Variants in CPNE4 observed in about 807,000 individuals in gnomAD.
CPNE4 encodes the protein copine-4.
Under a neutral mutation model 67.9 loss-of-function variants are expected in CPNE4, and 25 were observed. That is an observed-to-expected ratio of 0.37 (90% CI 0.27 to 0.51). The LOEUF (loss-of-function observed/expected upper bound fraction) is 0.51. Ranked by LOEUF, CPNE4 falls within the 20% of genes least tolerant of loss-of-function variation. The probability of loss-of-function intolerance (pLI) is 0.93; values close to 1 mark genes in which losing one functional copy is unlikely to be tolerated. For synonymous variants in CPNE4, 242 were observed against 244.9 expected (o/e 0.99, Z 0.11); for missense variants, 464 against 690.8 (o/e 0.67, Z 3.68).
chr3:132,008,235 G>T (rs2073658270), intron 1 of CPNE4, among the ~76,000 whole-genome samples: 1 of 152,132 alleles, frequency 6.6e-6, no homozygotes, highest in South Asian at 2.1e-4. Flanking sequence ...CGAGTGAAAT[G>T]GAGTAAATAT....
rs534373127 is a variant in CPNE4, at chr3:131,613,482, T to G, written c.682-25900A>C. 1.7e-4 allele frequency among the ~76,000 whole-genome samples: 26 copies of G among 152,312 alleles called. No homozygotes were observed. In the South Asian group the frequency reaches 5.4e-3, roughly 32 times the overall value. ...AATCTTGCCTTCTTTTCTTTCTGTC[T>G]TTACCTAGAAGTTTAGTTTTTATGA... is the stretch of plus-strand genomic sequence containing the variant. On this transcript the variant is annotated intron_variant, in intron 7 of 15. Transcript: ENST00000429747.
intron 2 of CPNE4, among the ~76,000 whole-genome samples, chr3:131,883,264 C>T (rs1476971203): frequency 1.3e-5 from 2 of 152,112 alleles, no homozygotes; most frequent in Non-Finnish European, 2.9e-5. Context: ...ACCTGCCCCT[C>T]CCCCAGTGTT....
intron 1 of CPNE4, among the ~76,000 whole-genome samples, chr3:132,004,148 T>C (rs1399643204): frequency 6.6e-6 from 1 of 151,910 alleles, no homozygotes; most frequent in Non-Finnish European, 1.5e-5. Flanking sequence ...AAAATGAGCA[T>C]CATTTAATTC....
In CPNE4 at chr3:131,579,715, A is replaced by G. The variant is rs112851966; in HGVS notation, c.867+1864T>C. Reference sequence around the variant, plus strand: ...TGGTGGGACAAACTGGAGATGTGGTAGAAATAGCAAGGGAACCGGAATTAT... The same window carrying G: ...TGGTGGGACAAACTGGAGATGTGGTGGAAATAGCAAGGGAACCGGAATTAT... On this transcript the variant is annotated intron_variant, in intron 9 of 15. Coordinates refer to ENST00000429747, the MANE Select transcript of CPNE4 (RefSeq NM_130808.3). Among the ~76,000 whole-genome samples, 373 of 152,302 alleles carry G rather than the reference A, an allele frequency of 2.4e-3. 1 individual carries two copies. The highest frequency in any genetic ancestry group is 4.5e-3 in the Non-Finnish European group (305 of 68,024).
intron 2 of CPNE4, among the ~76,000 whole-genome samples, chr3:131,765,453 C>G (rs1583163240): frequency 6.6e-6 from 1 of 152,086 alleles, no homozygotes; most frequent in African/African-American, 2.4e-5. Context: ...ACTGTGCCCA[C>G]CAGTCAAAAG....
chr3:131,743,962 CAAAAAAAAAAAAA>C (rs67791015), intron 2 of CPNE4, among the ~76,000 whole-genome samples: 3 of 59,206 alleles, frequency 5.1e-5, no homozygotes, highest in Non-Finnish European at 5.6e-5. Flanking sequence ...GACTCCGTCT[CAAAAAAAAAAAAA>C]AAAAAAAAAC....
At chr3:131,703,646 G>A (rs1030152353) in intron 3 of CPNE4, among the ~76,000 whole-genome samples, 4 of 152,176 alleles carry the variant, frequency 2.6e-5, no homozygotes, top group South Asian at 2.1e-4. Context: ...ACTTTATTCC[G>A]AAGTCTTTCG....
chr3:131,872,430 C>A lies in CPNE4; in HGVS notation c.180+32834G>T, dbSNP rs540527378. 2.6e-5 allele frequency among the ~76,000 whole-genome samples: 4 copies of A among 152,186 alleles called. No homozygotes were observed. In the South Asian group the frequency reaches 8.3e-4, roughly 32 times the overall value. On this transcript the variant is annotated intron_variant, in intron 2 of 15. Transcript: ENST00000429747. ...CAAAGGCAGGATAAAGCTTATGTCC[C>A]AGTTTGAAGGCAGTTAGGCAGGAGA...
intron 1 of CPNE4, among the ~76,000 whole-genome samples, chr3:131,976,451 CTT>C (rs955668061): frequency 2.0e-5 from 3 of 151,892 alleles, no homozygotes; most frequent in African/African-American, 7.3e-5. Flanking sequence ...AAGAAAAAGA[CTT>C]TGGTTTTTAT....
chr3:131,917,479 G>C (rs200350647), intron 1 of CPNE4, among the ~76,000 whole-genome samples: 8 of 152,180 alleles, frequency 5.3e-5, no homozygotes, highest in African/African-American at 1.9e-4. Context: ...TGGGGAGGAG[G>C]AAAGCCACTA....
intron 2 of CPNE4, among the ~76,000 whole-genome samples, chr3:131,874,827 T>C (rs2087372610): frequency 6.6e-6 from 1 of 152,210 alleles, no homozygotes; most frequent in Non-Finnish European, 1.5e-5. Context: ...AAACTGTGGC[T>C]TAAAGTCAAA....
At chr3:131,665,229 G>T (rs1021074889) in intron 7 of CPNE4, among the ~76,000 whole-genome samples, 3 of 151,778 alleles carry the variant, frequency 2.0e-5, no homozygotes, top group African/African-American at 7.3e-5. Flanking sequence ...AATTAATGGG[G>T]AAACACTATA....
At chr3:131,732,230 G>C (rs2082143836) in intron 2 of CPNE4, among the ~76,000 whole-genome samples, 1 of 152,084 alleles carries the variant, frequency 6.6e-6, no homozygotes, top group African/African-American at 2.4e-5. Context: ...GTCACTATAG[G>C]ACATAAGGAA....
intron 1 of CPNE4, among the ~76,000 whole-genome samples, chr3:131,943,947 C>A (rs1042628075): frequency 6.6e-6 from 1 of 152,108 alleles, no homozygotes; most frequent in East Asian, 1.9e-4. Flanking sequence ...ACACACATAC[C>A]CCATACCATT....
rs527353428 is a variant in CPNE4 at position 131,570,338 on chromosome 3, T to A, written c.927+4733A>T. 5.1e-3 allele frequency among the ~76,000 whole-genome samples: 761 copies of A among 149,996 alleles called. 2 individuals carry two copies. The highest frequency in any genetic ancestry group is 8.3e-3 in the Non-Finnish European group (563 of 67,768). On this transcript the variant is annotated intron_variant, in intron 10 of 15. Transcript: ENST00000429747. ...TTATTTATTTATTTATTTATTTTTT[T>A]AAAATTTTTTATTATACTCTAAGTT...
chr3:131,689,348 A>G (rs2080972651), intron 5 of CPNE4, among the ~76,000 whole-genome samples: 1 of 152,180 alleles, frequency 6.6e-6, no homozygotes, highest in Admixed American at 6.5e-5. Context: ...ACAAAATACT[A>G]GCAACCCAAA....
Position 131,535,120 on chromosome 3 carries a change from G to T in CPNE4, c.*75C>A. ...TATGTTGTTGGTTTTTTAAAGTACA[G>T]GAGTAGTAGAAGTATTAAATATGAA... is the stretch of plus-strand genomic sequence containing the variant. On this transcript the variant is annotated 3_prime_UTR_variant, in exon 16 of 16. Transcript: ENST00000429747. 1 of 1,420,290 alleles carries T rather than the reference G, an allele frequency of 7.0e-7. No individual in the cohort carries two copies. Among genetic ancestry groups the T allele is most frequent in the Non-Finnish European group, 9.5e-7 (1 of 1,050,840 alleles). The allele number at this position is 1,420,290 out of a possible 1,614,324, so 88.0% of individuals were successfully genotyped here.
chr3:131,694,841 T>C (rs539735575), intron 5 of CPNE4, among the ~76,000 whole-genome samples: 8 of 152,316 alleles, frequency 5.3e-5, no homozygotes, highest in East Asian at 1.9e-4. Flanking sequence ...ATCAACATCA[T>C]AGACAGCAGA....
At chr3:131,543,875 C>T (rs1293293734) in intron 14 of CPNE4, among the ~76,000 whole-genome samples, 1 of 152,206 alleles carries the variant, frequency 6.6e-6, no homozygotes, top group African/African-American at 2.4e-5. Flanking sequence ...GCTCCCATGG[C>T]TTCCTGCTTT....
Sources: gnomAD v4.1 joint callset for allele counts (sites outside exome capture counted in the v4.1 genomes callset) on GRCh38, gnomAD v4.1.1 for gene constraint, MANE v1.5 for transcripts, NCBI Gene and HGNC (gene_info 2026-07-23, HGNC 2026-07-21) for gene names.